CLTCL1: variants seen among roughly 807,000 people sequenced by gnomAD.
CLTCL1 encodes clathrin heavy chain like 1.
Under a neutral mutation model 190.0 loss-of-function variants are expected in CLTCL1, and 159 were observed. The observed-to-expected ratio is 0.84, with a 90% CI of 0.74 to 0.95. CLTCL1 has a LOEUF of 0.95. Ranked by LOEUF, CLTCL1 falls within the 40% of genes least tolerant of loss-of-function variation. CLTCL1 has a pLI of 0.00. For synonymous variants in CLTCL1, 752 were observed against 769.6 expected (o/e 0.98, Z 0.38); for missense variants, 1,878 against 2,033.4 (o/e 0.92, Z 1.47).
At position 19,201,767 on chromosome 22, in the gene CLTCL1, C is replaced by T. The variant is rs548683184; in HGVS notation, c.3601-274G>A. Among the ~76,000 whole-genome samples the T allele has an allele frequency of 2.0e-5, 3 of 152,186 alleles. No individual in the cohort carries two copies. The Middle Eastern group carries it at 0.01, about 518-fold the overall frequency. On this transcript the variant is annotated intron_variant, in intron 22 of 32. Coordinates refer to ENST00000427926, the MANE Select transcript of CLTCL1 (RefSeq NM_007098.4). ...TGGCTGTCACCTACCACATCTGCACCCCACTGGGCCTGGGCTGAGGAGGTG... is the reference window on the plus strand; with the variant it reads ...TGGCTGTCACCTACCACATCTGCACTCCACTGGGCCTGGGCTGAGGAGGTG...
At chr22:19,260,203 T>C (rs899424079) in intron 2 of CLTCL1, among the ~76,000 whole-genome samples, 1 of 152,202 alleles carries the variant, frequency 6.6e-6, no homozygotes, top group Non-Finnish European at 1.5e-5. Context: ...CTCCATAGCA[T>C]AAAACGGCAA....
intron 1 of CLTCL1, among the ~76,000 whole-genome samples, chr22:19,280,903 A>G (rs2087686936): frequency 6.6e-6 from 1 of 151,966 alleles, no homozygotes; most frequent in African/African-American, 2.4e-5. Flanking sequence ...AGAAGAGTCA[A>G]ATCTATAGAG....
rs2086291947 is a variant in CLTCL1, at chr22:19,242,648, T to G, written c.681+127A>C. The stretch of plus-strand genomic sequence containing the variant: ...AATCATGTGCATCACGGTGCACAGT[T>G]CTCAACACCACCATGAACCTTTCCT... On this transcript the variant is annotated intron_variant, in intron 4 of 32. Transcript: ENST00000427926. The G allele has an allele frequency of 4.7e-6, 5 of 1,073,782 alleles. No homozygotes were observed. In the East Asian group the frequency reaches 1.2e-4, roughly 26 times the overall value. The allele number at this position is 1,073,782 out of a possible 1,614,324, so 66.5% of individuals were successfully genotyped here.
intron 2 of CLTCL1, among the ~76,000 whole-genome samples, chr22:19,260,324 A>G (rs1438690261): frequency 2.6e-5 from 4 of 152,214 alleles, no homozygotes; most frequent in Admixed American, 6.5e-5. Context: ...CCTACTGGAA[A>G]AAGATGCCAT....
intron 29 of CLTCL1, chr22:19,183,964 C>A: frequency 2.7e-6 from 1 of 371,216 alleles, no homozygotes. Flanking sequence ...CACTCAGGTC[C>A]ATGGAGCGTG....
At chr22:19,286,682 T>C (rs1298255869) in intron 1 of CLTCL1, among the ~76,000 whole-genome samples, 1 of 152,120 alleles carries the variant, frequency 6.6e-6, no homozygotes, top group African/African-American at 2.4e-5. Flanking sequence ...AGTTTTACTT[T>C]CCCCCCTCTT....
chr22:19,191,799 G>C (rs2084515670), intron 26 of CLTCL1, among the ~76,000 whole-genome samples: 1 of 152,214 alleles, frequency 6.6e-6, no homozygotes, highest in Non-Finnish European at 1.5e-5. Flanking sequence ...ATCCAAGCAA[G>C]ATTACTCCAG....
Position 19,242,841 on chromosome 22 carries a change from C to A in CLTCL1, c.615G>T (p.Lys205Asn), listed in dbSNP as rs782380212. ...TGGCAGGCTTGGCATTCCCCTCCAT[C>A]TTGAACTCTGCAAAAGCCGCAGCAT... ...EGHAAAFAEF[K>N]MEGNAKPATL... Residue 205 changes from lysine (K) to asparagine (N), a missense_variant, in exon 4 of 33, where the codon AAG becomes AAT. Coordinates refer to ENST00000427926, the MANE Select transcript of CLTCL1 (RefSeq NM_007098.4). The A allele has an allele frequency of 6.2e-6, 10 of 1,613,880 alleles. No individual in the cohort carries two copies. Among genetic ancestry groups the A allele is most frequent in the Non-Finnish European group, 8.5e-6 (10 of 1,179,898 alleles).
At chr22:19,190,418 CA>C (rs2084454119) in intron 27 of CLTCL1, among the ~76,000 whole-genome samples, 1 of 151,970 alleles carries the variant, frequency 6.6e-6, no homozygotes, top group South Asian at 2.1e-4. Flanking sequence ...TGTGGCATCC[CA>C]AAACAATTAC....
At chr22:19,220,860 C>T (rs2085546184) in intron 17 of CLTCL1, among the ~76,000 whole-genome samples, 1 of 152,156 alleles carries the variant, frequency 6.6e-6, no homozygotes, top group African/African-American at 2.4e-5. Flanking sequence ...TGGGCAGATG[C>T]AGGCAAAAGA....
At chr22:19,241,641 G>A (rs948091187) in intron 4 of CLTCL1, among the ~76,000 whole-genome samples, 6 of 152,208 alleles carry the variant, frequency 3.9e-5, no homozygotes, top group Non-Finnish European at 8.8e-5. Flanking sequence ...TTCACAAGAC[G>A]ACTGTCTTGA....
chr22:19,291,597 C>T lies in CLTCL1; in HGVS notation c.42+3G>A, dbSNP rs1336346955. The T allele has an allele frequency of 3.5e-5, 49 of 1,393,456 alleles. No homozygotes were observed. Among genetic ancestry groups the T allele is most frequent in the Non-Finnish European group, 4.4e-5 (47 of 1,060,056 alleles). The allele number at this position is 1,393,456 out of a possible 1,614,324, so 86.3% of individuals were successfully genotyped here. On this transcript the variant is annotated splice_donor_region_variant and intron_variant, in intron 1 of 32. Coordinates refer to ENST00000427926, the MANE Select transcript of CLTCL1 (RefSeq NM_007098.4). ...GGCAGCCCCCCAGCCCGCCGGGCCT[C>T]ACCTGGAAGTGCTCCTGAAAGCGAA...
intron 4 of CLTCL1, 85 bp downstream of exon 4, chr22:19,242,690 G>T: frequency 6.9e-7 from 1 of 1,440,272 alleles, no homozygotes; most frequent in Non-Finnish European, 9.7e-7. Context: ...GACATCTGCA[G>T]GCCATGCCCA....
Position 19,253,970 on chromosome 22 carries a change from T to C in CLTCL1, c.508A>G (p.Ile170Val). 3 of 1,612,424 alleles carry C rather than the reference T, an allele frequency of 1.9e-6. No individual in the cohort carries two copies. Among genetic ancestry groups the C allele is most frequent in the Non-Finnish European group, 2.5e-6 (3 of 1,178,894 alleles). Residue 170 changes from isoleucine to valine, a missense_variant, in exon 3 of 33, where the codon ATC becomes GTC. Coordinates refer to ENST00000427926, the MANE Select transcript of CLTCL1 (RefSeq NM_007098.4). ...AGCTCAAGGCTTACCTGAGCCGAGA[T>C]GCCTACGAGCAGCAGCCACTTCTGG... ...EYQKWLLLVG[I>V]SAQQNRVVGA...
intron 19 of CLTCL1, among the ~76,000 whole-genome samples, chr22:19,215,633 T>C (rs1406329502): frequency 2.0e-5 from 3 of 152,214 alleles, no homozygotes; most frequent in East Asian, 3.9e-4. Flanking sequence ...CGCACCTCTA[T>C]AGTGCCGGGC....
chr22:19,278,193 T>C (rs1555984495), intron 1 of CLTCL1, among the ~76,000 whole-genome samples: 1 of 152,158 alleles, frequency 6.6e-6, no homozygotes, highest in African/African-American at 2.4e-5. Flanking sequence ...ATTTTATTTA[T>C]GGAGGTTTTG....
chr22:19,269,336 G>T (rs1379039316), intron 2 of CLTCL1, among the ~76,000 whole-genome samples: 1 of 151,898 alleles, frequency 6.6e-6, no homozygotes, highest in Non-Finnish European at 1.5e-5. Context: ...GGCAGCAGAG[G>T]TTACAGTGAG....
At position 19,222,079 on chromosome 22, in the gene CLTCL1, C is replaced by A. The variant is rs782343690; in HGVS notation, c.2433G>T (p.Arg811=). The A allele has an allele frequency of 6.2e-6, 10 of 1,613,882 alleles. No individual in the cohort carries two copies. The South Asian group carries it at 9.9e-5, about 16-fold the overall frequency. Residue 811 remains arginine (R), a synonymous_variant, in exon 16 of 33, where the codon CGG becomes CGT. Coordinates refer to ENST00000427926, the MANE Select transcript of CLTCL1 (RefSeq NM_007098.4). Reference sequence around the variant, plus strand: ...GCAGCCCTCCAATCACAGCTGGGGTCCGGCTAGGGTTGACCTAGGGTAGTC... The same window carrying A: ...GCAGCCCTCCAATCACAGCTGGGGTACGGCTAGGGTTGACCTAGGGTAGTC... ...EIYVQKVNPS[R]TPAVIGGLLD...
chr22:19,230,615 A>G (rs1004422944), intron 10 of CLTCL1, among the ~76,000 whole-genome samples: 1 of 152,158 alleles, frequency 6.6e-6, no homozygotes, highest in African/African-American at 2.4e-5. Context: ...TTGCAAAATC[A>G]TATCACCTAC....
Sources: allele counts gnomAD v4.1 joint callset (sites outside exome capture counted in the v4.1 genomes callset), GRCh38; gene constraint gnomAD v4.1.1; transcripts MANE v1.5; gene names NCBI Gene and HGNC (gene_info 2026-07-23, HGNC 2026-07-21).